The following ZRANB3 variants were observed in gnomAD, a reference collection of about 807,000 sequenced individuals.
The protein encoded by ZRANB3 is zinc finger RANBP2-type containing 3.
In ZRANB3, 125 loss-of-function variants were observed where a neutral mutation model predicts 133.8. The ratio of observed to expected loss-of-function variants is 0.93; its 90% confidence interval spans 0.81 to 1.08. The LOEUF (loss-of-function observed/expected upper bound fraction) is 1.08. Among genes scored for constraint, ZRANB3 ranks in the 50% least tolerant of loss-of-function variants. The probability of loss-of-function intolerance (pLI) is 0.00; values close to 1 mark genes in which losing one functional copy is unlikely to be tolerated. For synonymous variants in ZRANB3, 387 were observed against 432.7 expected (o/e 0.89, Z 1.31); for missense variants, 1,229 against 1,275.5 (o/e 0.96, Z 0.56).
chr2:135,358,339 G>A (rs1685525462), intron 3 of ZRANB3, among the ~76,000 whole-genome samples: 1 of 152,092 alleles, frequency 6.6e-6, no homozygotes. Flanking sequence ...TGCATAGTTT[G>A]GGAAGTAGAC....
chr2:135,445,903 CAAA>C (rs1690000301), intron 2 of ZRANB3, among the ~76,000 whole-genome samples: 1 of 134,778 alleles, frequency 7.4e-6, no homozygotes, highest in African/African-American at 2.8e-5. Context: ...AAAAGAAAAA[CAAA>C]AAAAATTGCA....
chr2:135,373,294 G>A (rs555763467), intron 3 of ZRANB3, among the ~76,000 whole-genome samples: 1 of 152,200 alleles, frequency 6.6e-6, no homozygotes, highest in South Asian at 2.1e-4. Context: ...AGACAAGTAC[G>A]GTAGGATATG....
intron 8 of ZRANB3, among the ~76,000 whole-genome samples, chr2:135,310,203 C>T (rs189986144): frequency 6.6e-6 from 1 of 152,116 alleles, no homozygotes; most frequent in Non-Finnish European, 1.5e-5. Context: ...TCCCAAAGTG[C>T]TGGGATTACA....
intron 2 of ZRANB3, among the ~76,000 whole-genome samples, chr2:135,446,610 C>T (rs574419085): frequency 7.2e-5 from 11 of 152,244 alleles, no homozygotes; most frequent in African/African-American, 2.6e-4. Context: ...TCGGATTTAA[C>T]CAGAACTGTC....
At chr2:135,409,303 C>A (rs1220791697) in intron 2 of ZRANB3, among the ~76,000 whole-genome samples, 1 of 152,180 alleles carries the variant, frequency 6.6e-6, no homozygotes, top group African/African-American at 2.4e-5. Flanking sequence ...TTAACTCCAA[C>A]ATTGGGGATT....
intron 3 of ZRANB3, among the ~76,000 whole-genome samples, chr2:135,364,676 T>C (rs182646309): frequency 2.2e-3 from 338 of 152,008 alleles, no homozygotes; most frequent in African/African-American, 7.8e-3. Context: ...GCTTGAGCCC[T>C]GGGAGGCGAA....
intron 12 of ZRANB3, among the ~76,000 whole-genome samples, chr2:135,251,627 G>T (rs1679399297): frequency 6.6e-6 from 1 of 152,128 alleles, no homozygotes; most frequent in Non-Finnish European, 1.5e-5. Flanking sequence ...TTTATCAGGG[G>T]TTTCCTCTTT....
intron 6 of ZRANB3, among the ~76,000 whole-genome samples, chr2:135,324,371 G>A (rs1683694379): frequency 1.3e-5 from 2 of 151,964 alleles, no homozygotes; most frequent in African/African-American, 4.8e-5. Flanking sequence ...TGAGAATGAT[G>A]GTTTCCAGCT....
At chr2:135,328,870 A>G (rs1185852425) in intron 6 of ZRANB3, among the ~76,000 whole-genome samples, 1 of 152,166 alleles carries the variant, frequency 6.6e-6, no homozygotes, top group Non-Finnish European at 1.5e-5. Flanking sequence ...TCTTTTGAGA[A>G]GTGTCTGTTC....
At chr2:135,244,107 C>CAAA (rs566334496) in intron 12 of ZRANB3, among the ~76,000 whole-genome samples, 110 of 121,496 alleles carry the variant, frequency 9.1e-4, no homozygotes, top group African/African-American at 2.8e-3. Context: ...ATTTCCCCAC[C>CAAA]AAAAAAAAAA....
intron 2 of ZRANB3, among the ~76,000 whole-genome samples, chr2:135,489,077 C>A (rs1692258400): frequency 6.6e-6 from 1 of 151,206 alleles, no homozygotes; most frequent in Non-Finnish European, 1.5e-5. Flanking sequence ...CTTTTGCAAA[C>A]AGTATGATCA....
At chr2:135,284,449 T>C (rs1399963144) in intron 8 of ZRANB3, among the ~76,000 whole-genome samples, 6 of 152,210 alleles carry the variant, frequency 3.9e-5, no homozygotes, top group Admixed American at 2.0e-4. Flanking sequence ...CTGAGAATTC[T>C]GTTACCTTTC....
At chr2:135,203,362 G>A (rs1573659574) in intron 19 of ZRANB3, among the ~76,000 whole-genome samples, 2 of 152,116 alleles carry the variant, frequency 1.3e-5, no homozygotes, top group South Asian at 4.1e-4. Context: ...GCTCATGCCT[G>A]TAATCCCAGC....
At chr2:135,223,961 A>G (rs1694655122) in intron 15 of ZRANB3, among the ~76,000 whole-genome samples, 1 of 152,218 alleles carries the variant, frequency 6.6e-6, no homozygotes, top group South Asian at 2.1e-4. Flanking sequence ...AGTGCTTTAC[A>G]GGACTCAGCT....
intron 12 of ZRANB3, among the ~76,000 whole-genome samples, chr2:135,261,505 C>T (rs370037221): frequency 6.6e-6 from 1 of 152,278 alleles, no homozygotes. Flanking sequence ...TTCCAATTTA[C>T]ATCAAACTGC....
At chr2:135,449,792 CTA>C (rs1488760331) in intron 2 of ZRANB3, among the ~76,000 whole-genome samples, 2 of 152,170 alleles carry the variant, frequency 1.3e-5, no homozygotes, top group African/African-American at 4.8e-5. Context: ...GGGTCTCTCT[CTA>C]TCATCCAGGC....
intron 2 of ZRANB3, among the ~76,000 whole-genome samples, chr2:135,481,058 A>G (rs1319957496): frequency 6.6e-6 from 1 of 152,082 alleles, no homozygotes; most frequent in Admixed American, 6.5e-5. Flanking sequence ...TATTGTGAAT[A>G]ATGCCGCAAT....
intron 8 of ZRANB3, among the ~76,000 whole-genome samples, chr2:135,308,937 C>T (rs1188859830): frequency 1.3e-5 from 2 of 151,908 alleles, no homozygotes; most frequent in African/African-American, 2.4e-5. Flanking sequence ...AGGAAGTTTC[C>T]TCTACATAAG....
At chr2:135,343,027 A>C (rs1194440301) in intron 6 of ZRANB3, among the ~76,000 whole-genome samples, 3 of 146,254 alleles carry the variant, frequency 2.1e-5, no homozygotes, top group African/African-American at 5.4e-5. Context: ...AAAAAAAAAA[A>C]AAAAAAAACA....
Sources: allele counts gnomAD v4.1 joint callset (sites outside exome capture counted in the v4.1 genomes callset), GRCh38; gene constraint gnomAD v4.1.1; transcripts MANE v1.5; gene names NCBI Gene and HGNC (gene_info 2026-07-23, HGNC 2026-07-21).